FREM1: variants seen among roughly 807,000 people sequenced by gnomAD.
FREM1 encodes the protein FRAS1-related extracellular matrix protein 1.
Under a neutral mutation model 210.1 loss-of-function variants are expected in FREM1, and 220 were observed. That is an observed-to-expected ratio of 1.05 (90% confidence interval 0.94 to 1.17). The LOEUF is 1.17. Ranked by LOEUF, FREM1 falls within the 50% of genes most tolerant of loss-of-function variation. The pLI is 0.00. For synonymous variants in FREM1, 1,189 were observed against 980.2 expected (o/e 1.21, Z -3.98); for missense variants, 3,454 against 2,675.5 (o/e 1.29, Z -6.42).
At chr9:14,902,955 G>C (rs1839042311) in intron 1 of FREM1, among the ~76,000 whole-genome samples, 1 of 152,142 alleles carries the variant, frequency 6.6e-6, no homozygotes, top group Non-Finnish European at 1.5e-5. Flanking sequence ...TTATGAATAG[G>C]ATATAAATTG....
intron 36 of FREM1, among the ~76,000 whole-genome samples, chr9:14,737,877 T>C (rs1278675269): frequency 6.6e-6 from 1 of 152,112 alleles, no homozygotes; most frequent in Non-Finnish European, 1.5e-5. Context: ...AAATAGTACA[T>C]CTAGGGTTGT....
chr9:14,803,377 C>G (rs1376670352), intron 19 of FREM1, among the ~76,000 whole-genome samples: 1 of 129,328 alleles, frequency 7.7e-6, no homozygotes, highest in Non-Finnish European at 1.6e-5. Flanking sequence ...TCCTTCCTTC[C>G]TTCCTCATAG....
At chr9:14,821,176 A>G (rs556275630) in intron 13 of FREM1, among the ~76,000 whole-genome samples, 1 of 152,160 alleles carries the variant, frequency 6.6e-6, no homozygotes, top group Non-Finnish European at 1.5e-5. Flanking sequence ...AATTCTACAT[A>G]AGGGATCAAC....
In FREM1 at chr9:14,748,531, G is replaced by A; in HGVS notation, c.5666C>T (p.Ser1889Phe). 2 of 1,613,824 alleles carry A rather than the reference G, an allele frequency of 1.2e-6. No individual in the cohort carries two copies. The highest frequency in any genetic ancestry group is 1.7e-6 in the Non-Finnish European group (2 of 1,179,748). Residue 1889 changes from serine (S) to phenylalanine (F), a missense_variant, in exon 31 of 37, where the codon TCC (serine) becomes TTC (phenylalanine). By Grantham distance (155) the Ser-to-Phe change is radical (BLOSUM62 -2). Transcript: ENST00000380880. ...AAGAGGTCTTCTTTCCAGATGAAAG[G>A]AACCAGAAGTGGTGGATGAGGAAGA... is the stretch of plus-strand genomic sequence containing the variant. ...PGSSSSTTSG[S>F]FHLERRPLPS...
Position 14,805,002 on chromosome 9 carries a change from T to G in FREM1, c.3425A>C (p.Asn1142Thr), listed in dbSNP as rs964990156. ...SLEIPFSIIINPTNDEAPDFV... is the reference protein window; with the variant it reads ...SLEIPFSIIITPTNDEAPDFV... ...GTCAGGAGCTTCATCATTTGTGGGGTTGATTATAATAGAAAATGGTATCTC... is the reference window on the plus strand; with the variant it reads ...GTCAGGAGCTTCATCATTTGTGGGGGTGATTATAATAGAAAATGGTATCTC... Residue 1142 changes from asparagine (N) to threonine (T), a missense_variant, in exon 19 of 37, where the codon AAC (asparagine) becomes ACC (threonine). Transcript: ENST00000380880. 1.2e-6 allele frequency: 2 copies of G among 1,613,556 alleles called. No homozygotes were observed. Among genetic ancestry groups the G allele is most frequent in the Non-Finnish European group, 1.7e-6 (2 of 1,179,600 alleles).
intron 1 of FREM1, among the ~76,000 whole-genome samples, chr9:14,909,482 G>C (rs371290207): frequency 6.6e-6 from 1 of 152,144 alleles, no homozygotes; most frequent in Admixed American, 6.5e-5. Flanking sequence ...TTAAGCAAAG[G>C]TATCCAGACA....
At position 14,824,115 on chromosome 9, in the gene FREM1, T is replaced by C. The variant is rs772997515; in HGVS notation, c.2079A>G (p.Arg693=). 1.3e-6 allele frequency: 2 copies of C among 1,564,898 alleles called. No homozygotes were observed. Among genetic ancestry groups the C allele is most frequent in the Non-Finnish European group, 1.7e-6 (2 of 1,149,946 alleles). ...TAAATAATTTCCCAGCATCCAAGTG[T>C]CTAAAGAGAAATACAGAGGAGCACA... ...TTPPFFSFSH[R]HLDAGKLFMV... Residue 693 remains arginine, a splice_region_variant and synonymous_variant, in exon 12 of 37, where the codon AGA becomes AGG. Coordinates refer to ENST00000380880, the MANE Select transcript of FREM1 (RefSeq NM_001379081.2).
intron 1 of FREM1, among the ~76,000 whole-genome samples, chr9:14,871,231 C>G (rs1327269007): frequency 6.6e-6 from 1 of 152,226 alleles, no homozygotes; most frequent in Non-Finnish European, 1.5e-5. Flanking sequence ...AATCACCACA[C>G]TGACTTCCAC....
intron 23 of FREM1, among the ~76,000 whole-genome samples, chr9:14,788,037 A>AT (rs144473536): frequency 5.0e-4 from 76 of 150,708 alleles, no homozygotes; most frequent in Non-Finnish European, 5.3e-4. Context: ...ATAAAGCAAG[A>AT]TTTTTTTTTT....
At chr9:14,853,015 G>C (rs1828053280) in intron 5 of FREM1, among the ~76,000 whole-genome samples, 1 of 152,216 alleles carries the variant, frequency 6.6e-6, no homozygotes, top group Admixed American at 6.5e-5. Flanking sequence ...GAAAAAGATT[G>C]ATTAGGAGAG....
intron 10 of FREM1, among the ~76,000 whole-genome samples, chr9:14,835,642 A>G (rs1371388141): frequency 6.6e-6 from 1 of 152,238 alleles, no homozygotes; most frequent in African/African-American, 2.4e-5. Flanking sequence ...CACAGGTATT[A>G]GAGGATACAA....
At chr9:14,766,128 G>T (rs1275196391) in intron 27 of FREM1, among the ~76,000 whole-genome samples, 1 of 152,118 alleles carries the variant, frequency 6.6e-6, no homozygotes, top group Non-Finnish European at 1.5e-5. Flanking sequence ...AGTGACTTCA[G>T]GATAATTACT....
chr9:14,813,284 A>G (rs1222159228), intron 15 of FREM1, among the ~76,000 whole-genome samples: 2 of 152,138 alleles, frequency 1.3e-5, no homozygotes, highest in Admixed American at 6.6e-5. Flanking sequence ...TTAGGTAGGA[A>G]TGGGGGAATA....
intron 18 of FREM1, 60 bp downstream of exon 18, chr9:14,806,601 C>G: frequency 1.0e-6 from 1 of 978,976 alleles, no homozygotes. Flanking sequence ...CATGACCTGG[C>G]CAATCGCTTC....
Position 14,770,803 on chromosome 9 carries a change from C to A in FREM1, c.4861G>T (p.Asp1621Tyr). Residue 1621 changes from aspartate to tyrosine, a missense_variant, in exon 26 of 37, where the codon GAC becomes TAC. Asp to Tyr is a radical substitution (Grantham distance 160, BLOSUM62 -3). Transcript: ENST00000380880. ...CGAGGAGCTGTTTTGTCCAATTGGT[C>A]TACCTGGATCATCAACAATGACATA... ...EEPVLFTIQVDQLDKTAPRIT... is the reference protein window; with the variant it reads ...EEPVLFTIQVYQLDKTAPRIT... 6.2e-7 allele frequency: 1 copy of A among 1,609,150 alleles called. No individual in the cohort carries two copies. Among genetic ancestry groups the A allele is most frequent in the African/African-American group, 1.3e-5 (1 of 74,954 alleles).
intron 25 of FREM1, 131 bp downstream of exon 25, chr9:14,775,658 A>T: frequency 3.1e-6 from 2 of 638,822 alleles, no homozygotes; most frequent in East Asian, 5.5e-5. Context: ...AAGTGAGCCA[A>T]GATCACGCCA....
intron 5 of FREM1, among the ~76,000 whole-genome samples, chr9:14,856,606 G>A (rs1411294683): frequency 1.3e-5 from 2 of 152,132 alleles, no homozygotes; most frequent in South Asian, 2.1e-4. Flanking sequence ...GGGTGAGGCA[G>A]GTGGATCACG....
chr9:14,819,447 A>G lies in FREM1; in HGVS notation c.2338-5T>C. On this transcript the variant is annotated splice_region_variant and splice_polypyrimidine_tract_variant and intron_variant, in intron 13 of 36. Coordinates refer to ENST00000380880, the MANE Select transcript of FREM1 (RefSeq NM_001379081.2). ...TTTCAGAGGGTTGGTGAACGCCTAG[A>G]AAGAAGAAAGGAAGGAAACATTCAA... is the stretch of plus-strand genomic sequence containing the variant. 1 of 1,592,730 alleles carries G rather than the reference A, an allele frequency of 6.3e-7. No individual in the cohort carries two copies. The highest frequency in any genetic ancestry group is 1.7e-5 in the Admixed American group (1 of 59,522).
Position 14,910,044 on chromosome 9 carries a change from A to G in FREM1, c.-398T>C, listed in dbSNP as rs2132819202. 1 of 152,380 alleles carries G rather than the reference A, an allele frequency of 6.6e-6. No homozygotes were observed. Among genetic ancestry groups the G allele is most frequent in the East Asian group, 1.9e-4 (1 of 5,188 alleles). 9.4% of individuals were successfully genotyped at this position (152,380 alleles called of 1,614,324 possible). A position where few individuals can be genotyped will look rare whatever the true frequency, so the allele number is the denominator to read the frequency against. ...AAGGGGGAGGAAAAAGAACCCCGGG[A>G]AGGAAGAGAGCTGAAATTCCAGTCT... On this transcript the variant is annotated 5_prime_UTR_variant, in exon 1 of 37. Coordinates refer to ENST00000380880, the MANE Select transcript of FREM1 (RefSeq NM_001379081.2).
Sources: allele counts gnomAD v4.1 joint callset (sites outside exome capture counted in the v4.1 genomes callset), GRCh38; gene constraint gnomAD v4.1.1; transcripts MANE v1.5; gene names NCBI Gene and HGNC (gene_info 2026-07-23, HGNC 2026-07-21).